PHF7: variants seen among roughly 807,000 people sequenced by gnomAD.
PHF7 encodes the protein E3 ubiquitin-protein ligase PHF7.
PHF7 carries 24 observed loss-of-function variants against 47.5 expected under a neutral mutation model. That is an observed-to-expected ratio of 0.51 (90% CI 0.37 to 0.71). The LOEUF (loss-of-function observed/expected upper bound fraction) is 0.71. Ranked by LOEUF, PHF7 falls within the 30% of genes least tolerant of loss-of-function variation. PHF7 has a pLI of 0.00. For synonymous variants in PHF7, 156 were observed against 153.8 expected, an observed-to-expected ratio of 1.01 and a Z score of -0.11; for missense variants, 361 against 456.8, an observed-to-expected ratio of 0.79 and a Z score of 1.91.
intron 7 of PHF7, 125 bp downstream of exon 7, chr3:52,421,187 G>T: frequency 1.2e-6 from 1 of 844,754 alleles, no homozygotes. Context: ...CCTGTATTGA[G>T]GGCTGGTTTC....
chr3:52,420,044 C>T (rs933987927), intron 5 of PHF7, 110 bp downstream of exon 5: 1 of 769,984 alleles, frequency 1.3e-6, no homozygotes, highest in Non-Finnish European at 2.2e-6. Context: ...TCAAAGGACT[C>T]TTGGATTTTC....
intron 2 of PHF7, among the ~76,000 whole-genome samples, chr3:52,413,601 G>A (rs573811912): frequency 1.3e-5 from 2 of 152,322 alleles, no homozygotes; most frequent in African/African-American, 4.8e-5. Flanking sequence ...TTGGGAGGCC[G>A]AGGCGGGTGG....
chr3:52,414,930 A>T (rs1705576986), intron 4 of PHF7: 1 of 158,456 alleles, frequency 6.3e-6, no homozygotes. Context: ...CTGGAGGTGG[A>T]GGCTGCAGTG....
intron 6 of PHF7, 92 bp from the exon 7 acceptor site, chr3:52,420,811 C>A: frequency 8.5e-7 from 1 of 1,178,910 alleles, no homozygotes; most frequent in Non-Finnish European, 1.2e-6. Context: ...CACTGGGCAC[C>A]AGCCTGGGTG....
chr3:52,414,587 T>C lies in PHF7; in HGVS notation c.186T>C (p.Leu62=), dbSNP rs758662041. 1.3e-6 allele frequency: 2 copies of C among 1,591,702 alleles called. No individual in the cohort carries two copies. The highest frequency in any genetic ancestry group is 3.4e-5 in the Admixed American group (2 of 59,582). Residue 62 remains leucine (L), a splice_region_variant and synonymous_variant, in exon 4 of 11, where the codon CTT becomes CTC. Transcript: ENST00000327906. ...ATATCAGCGTGCATTATTTCTGTCT[T>C]GTGAGTATGAGGCCTCCTTTGCTTT... ...KDNISVHYFC[L]ILSSKLPQRG... is the part of the protein sequence containing the mutation.
chr3:52,421,660 A>C lies in PHF7; in HGVS notation c.586A>C (p.Thr196Pro). ...GTTTCTCTTACAGAAATATGCCCAC[A>C]CATCAGCAAAGCATTTCTTCAAATG... Reference protein sequence around the residue: ...HRKCIQKYAHTSAKHFFKCPQ... With the variant: ...HRKCIQKYAHPSAKHFFKCPQ... The change falls in exon 8 of 11, where the codon ACA becomes CCA. Residue 196 changes from threonine to proline, a missense_variant. Physicochemically the swap from Thr to Pro is conservative, Grantham distance 38. Coordinates refer to ENST00000327906, the MANE Select transcript of PHF7 (RefSeq NM_016483.7). 1 of 1,597,984 alleles carries C rather than the reference A, an allele frequency of 6.3e-7. No individual in the cohort carries two copies.
At chr3:52,421,916 G>A (rs1705802626) in intron 8 of PHF7, 162 bp downstream of exon 8, 2 of 592,444 alleles carry the variant, frequency 3.4e-6, no homozygotes, top group Non-Finnish European at 6.0e-6. Context: ...ACAGAAGGGA[G>A]GGGGAAGAAG....
At chr3:52,412,310 T>C (rs1705473279) in intron 1 of PHF7, among the ~76,000 whole-genome samples, 1 of 152,218 alleles carries the variant, frequency 6.6e-6, no homozygotes, top group Non-Finnish European at 1.5e-5. Flanking sequence ...CAGGCTCCTT[T>C]GCTTAGGAAA....
In PHF7 at chr3:52,423,137, C is replaced by T. The variant is rs1429393249; in HGVS notation, c.966C>T (p.Thr322=). The change falls in exon 11 of 11, where the codon ACC becomes ACT. Residue 322 remains threonine, a synonymous_variant. Transcript: ENST00000327906. ...GGGACATCCCTTGCTGCAGCAGCACCTTCCACCCTGAGGAACATTTCTGCA... is the reference window on the plus strand; with the variant it reads ...GGGACATCCCTTGCTGCAGCAGCACTTTCCACCCTGAGGAACATTTCTGCA... The part of the protein sequence containing the change: ...NSGDIPCCSS[T]FHPEEHFCRD... 6.2e-7 allele frequency: 1 copy of T among 1,613,974 alleles called. No individual in the cohort carries two copies. Among genetic ancestry groups the T allele is most frequent in the Admixed American group, 1.7e-5 (1 of 60,024 alleles).
At chr3:52,420,003 C>A in intron 5 of PHF7, 69 bp downstream of exon 5, 1 of 909,834 alleles carries the variant, frequency 1.1e-6, no homozygotes, top group Non-Finnish European at 1.7e-6. Flanking sequence ...ATTCCTGTTT[C>A]TGTTCTCTTC....
In PHF7 at chr3:52,421,690, C is replaced by G; in HGVS notation, c.616C>G (p.Gln206Glu). 6.2e-7 allele frequency: 1 copy of G among 1,609,384 alleles called. No homozygotes were observed. Among genetic ancestry groups the G allele is most frequent in the Non-Finnish European group, 8.5e-7 (1 of 1,175,662 alleles). Residue 206 changes from glutamine (Q) to glutamate (E), a missense_variant, in exon 8 of 11, where the codon CAG (glutamine) becomes GAG (glutamate). Gln to Glu is a conservative substitution (Grantham distance 29). Coordinates refer to ENST00000327906, the MANE Select transcript of PHF7 (RefSeq NM_016483.7). ...AGCAAAGCATTTCTTCAAATGTCCACAGTGTAACAATCGAAAAGAGTTTCC... is the reference window on the plus strand; with the variant it reads ...AGCAAAGCATTTCTTCAAATGTCCAGAGTGTAACAATCGAAAAGAGTTTCC... ...TSAKHFFKCPQCNNRKEFPQE... is the reference protein window; with the variant it reads ...TSAKHFFKCPECNNRKEFPQE...
chr3:52,411,853 C>T (rs1299744133), intron 1 of PHF7, among the ~76,000 whole-genome samples: 1 of 152,202 alleles, frequency 6.6e-6, no homozygotes, highest in Non-Finnish European at 1.5e-5. Flanking sequence ...CTATTGTACT[C>T]GGCTCAGATG....
chr3:52,420,546 A>G, intron 6 of PHF7, 111 bp downstream of exon 6: 1 of 1,028,444 alleles, frequency 9.7e-7, no homozygotes. Flanking sequence ...TCACCAGTGA[A>G]TCTGTCCCTC....
chr3:52,423,383 G>T lies in PHF7; in HGVS notation c.*66G>T, dbSNP rs1705857936. The T allele has an allele frequency of 9.7e-7, 1 of 1,028,752 alleles. No individual in the cohort carries two copies. The highest frequency in any genetic ancestry group is 2.0e-5 in the Admixed American group (1 of 50,382). 63.7% of individuals were successfully genotyped at this position (1,028,752 alleles called of 1,614,324 possible). ...AGCTGCGCTCCTCCATCGGGTTTGGGGAGGGAGCACTCTGGGACTGTGAGA... is the reference window on the plus strand; with the variant it reads ...AGCTGCGCTCCTCCATCGGGTTTGGTGAGGGAGCACTCTGGGACTGTGAGA... On this transcript the variant is annotated 3_prime_UTR_variant, in exon 11 of 11. Transcript: ENST00000327906.
At chr3:52,423,065 T>G (rs1360653571) in intron 10 of PHF7, 26 bp from the exon 11 acceptor site, 2 of 1,552,436 alleles carry the variant, frequency 1.3e-6, no homozygotes, top group African/African-American at 2.7e-5. Flanking sequence ...GGCTTGAGTT[T>G]TCCTCTCCTG....
Position 52,423,176 on chromosome 3 carries a change from G to C in PHF7, c.1005G>C (p.Leu335Phe), listed in dbSNP as rs1322595127. ...AACATTTCTGCAGAGACAACACCTT[G>C]GAAGAGAATCCGGGCCTTTCTTGGA... ...PEEHFCRDNT[L>F]EENPGLSWTD... Residue 335 changes from leucine (L) to phenylalanine (F), a missense_variant, in exon 11 of 11, where the codon TTG becomes TTC. Leu to Phe is a conservative substitution (Grantham distance 22). Transcript: ENST00000327906. The C allele has an allele frequency of 6.2e-7, 1 of 1,613,840 alleles. No individual in the cohort carries two copies. Among genetic ancestry groups the C allele is most frequent in the African/African-American group, 1.3e-5 (1 of 74,924 alleles).
rs999331220 is a variant in PHF7, at chr3:52,416,611, G to C, written c.186+2024G>C. Among the ~76,000 whole-genome samples, 12 of 151,678 alleles carry C rather than the reference G, an allele frequency of 7.9e-5. 1 individual carries two copies. Among genetic ancestry groups the C allele is most frequent in the African/African-American group, 1.4e-4 (6 of 41,380 alleles). On this transcript the variant is annotated intron_variant, in intron 4 of 10. Coordinates refer to ENST00000327906, the MANE Select transcript of PHF7 (RefSeq NM_016483.7). ...GAACTTTGGGAGGCCGAGGCGAGCA[G>C]ATCAAGAGGTCAGGAGATGGAGACC...
In PHF7 at chr3:52,422,292, C is replaced by T. The variant is rs373312770; in HGVS notation, c.751C>T (p.Pro251Ser). 22 of 1,613,842 alleles carry T rather than the reference C, an allele frequency of 1.4e-5. No individual in the cohort carries two copies. The highest frequency in any genetic ancestry group is 1.8e-5 in the Non-Finnish European group (21 of 1,179,822). ...TCAGCGCTATCAGCACTGTGATGCC[C>T]CCATCTGTCTGTATGAACAAGGCAG... is the stretch of plus-strand genomic sequence containing the variant. The part of the protein sequence containing the change: ...LYQRYQHCDA[P>S]ICLYEQGRDS... The change falls in exon 9 of 11, where the codon CCC (proline) becomes TCC (serine). Residue 251 changes from proline to serine, a missense_variant. Transcript: ENST00000327906.
intron 9 of PHF7, 65 bp from the exon 10 acceptor site, chr3:52,422,695 A>C: frequency 6.3e-7 from 1 of 1,590,012 alleles, no homozygotes; most frequent in Non-Finnish European, 8.6e-7. Flanking sequence ...GCCCATAGCA[A>C]ACATCCAAGC....
Sources: allele counts gnomAD v4.1 joint callset (sites outside exome capture counted in the v4.1 genomes callset), GRCh38; gene constraint gnomAD v4.1.1; transcripts MANE v1.5; gene names NCBI Gene and HGNC (gene_info 2026-07-23, HGNC 2026-07-21).